Variants in MSI2 observed in about 807,000 individuals in gnomAD.
MSI2 encodes the protein musashi RNA binding protein 2, also known as RNA-binding protein Musashi homolog 2.
In MSI2, 17 loss-of-function variants were observed where a neutral mutation model predicts 45.6. The ratio of observed to expected loss-of-function variants is 0.37; its 90% confidence interval spans 0.26 to 0.56. The LOEUF is 0.56. Among genes scored for constraint, MSI2 ranks in the 20% least tolerant of loss-of-function variants. MSI2 has a pLI of 0.77. For missense variants in MSI2, 293 were observed against 444.2 expected, an observed-to-expected ratio of 0.66 and a Z score of 3.06; for synonymous variants, 156 against 158.2, an observed-to-expected ratio of 0.99 and a Z score of 0.11.
Position 57,610,012 on chromosome 17 carries a change from C to A in MSI2, c.538-5958C>A, listed in dbSNP as rs536349987. On this transcript the variant is annotated intron_variant, in intron 8 of 13. Transcript: ENST00000284073. Reference sequence around the variant, plus strand: ...GGGATGGATATATAGCTATAAAGGTCATTATCGGGTCCGCTGGCAAAACAA... The same window carrying A: ...GGGATGGATATATAGCTATAAAGGTAATTATCGGGTCCGCTGGCAAAACAA... 2.6e-5 allele frequency among the ~76,000 whole-genome samples: 4 copies of A among 152,244 alleles called. No homozygotes were observed. In the East Asian group the frequency reaches 7.7e-4, roughly 29 times the overall value.
intron 6 of MSI2, among the ~76,000 whole-genome samples, chr17:57,470,036 G>A (rs2085403776): frequency 1.3e-5 from 2 of 152,082 alleles, no homozygotes; most frequent in Non-Finnish European, 1.5e-5. Context: ...TCATCCTCCA[G>A]GACCCAGCTC....
the MSI2 span, among the ~76,000 whole-genome samples, chr17:57,694,269 T>G: frequency 1.3e-5 from 2 of 152,362 alleles, no homozygotes; most frequent in Admixed American, 6.5e-5. Context: ...TTATCTTCAG[T>G]GCACCACCAG....
intron 7 of MSI2, among the ~76,000 whole-genome samples, chr17:57,566,582 A>G (rs1035852924): frequency 1.3e-5 from 2 of 152,120 alleles, no homozygotes; most frequent in Non-Finnish European, 2.9e-5. Flanking sequence ...GGTAGAGGGC[A>G]TGTGCAGAGT....
At chr17:57,383,557 A>G (rs1300231974) in intron 5 of MSI2, among the ~76,000 whole-genome samples, 1 of 152,196 alleles carries the variant, frequency 6.6e-6, no homozygotes, top group East Asian at 1.9e-4. Context: ...GCTACTTGGG[A>G]GGCTGAGGCA....
At chr17:57,346,870 G>A (rs1915661572) in intron 5 of MSI2, among the ~76,000 whole-genome samples, 1 of 152,190 alleles carries the variant, frequency 6.6e-6, no homozygotes. Context: ...GCCTCCCAAA[G>A]TGCTGGGATT....
At chr17:57,458,146 G>T (rs973657694) in intron 6 of MSI2, among the ~76,000 whole-genome samples, 3 of 147,528 alleles carry the variant, frequency 2.0e-5, no homozygotes, top group Non-Finnish European at 4.4e-5. Context: ...TGTCGCCCAG[G>T]CTGGAGTGCA....
chr17:57,584,147 C>T (rs2088281604), intron 7 of MSI2, among the ~76,000 whole-genome samples: 1 of 152,156 alleles, frequency 6.6e-6, no homozygotes, highest in Non-Finnish European at 1.5e-5. Context: ...CTCATTCCTC[C>T]CTGTCACTAT....
chr17:57,463,156 C>A (rs17821691), intron 6 of MSI2, among the ~76,000 whole-genome samples: 1 of 152,052 alleles, frequency 6.6e-6, no homozygotes, highest in Non-Finnish European at 1.5e-5. Context: ...TCTGCTAGGA[C>A]CCCGGCCTGC....
chr17:57,505,001 A>C (rs1318972451), intron 6 of MSI2, among the ~76,000 whole-genome samples: 1 of 152,040 alleles, frequency 6.6e-6, no homozygotes, highest in African/African-American at 2.4e-5. Flanking sequence ...AAGAAATAAT[A>C]GAATGGGATG....
chr17:57,258,204 C>T, intron 3 of MSI2, 66 bp from the exon 4 acceptor site: 4 of 1,447,484 alleles, frequency 2.8e-6, no homozygotes, highest in Non-Finnish European at 3.9e-6. Context: ...TTAGGTCTCA[C>T]TCCTGGTTGC....
In MSI2 at chr17:57,683,450, T is replaced by C; in HGVS notation, c.*3933T>C. 1 of 229,074 alleles carries C rather than the reference T, an allele frequency of 4.4e-6. No homozygotes were observed. Among genetic ancestry groups the C allele is most frequent in the Non-Finnish European group, 8.7e-6 (1 of 115,446 alleles). The allele number at this position is 229,074 out of a possible 1,614,324, so 14.2% of individuals were successfully genotyped here. Reference sequence around the variant, plus strand: ...AACGAGGGCTAGGGACTTAGCCTCCTCCACCACCTCCACACTGCTTCATTC... The same window carrying C: ...AACGAGGGCTAGGGACTTAGCCTCCCCCACCACCTCCACACTGCTTCATTC... On this transcript the variant is annotated 3_prime_UTR_variant, in exon 14 of 14. Transcript: ENST00000284073. The surrounding 1 kb of genome is among the most constrained non-coding windows in gnomAD (Gnocchi z 5.2).
chr17:57,575,415 C>T (rs1010858025), intron 7 of MSI2, among the ~76,000 whole-genome samples: 1 of 152,192 alleles, frequency 6.6e-6, no homozygotes, highest in African/African-American at 2.4e-5. Flanking sequence ...TCCTGTTTGA[C>T]CTTTCAGTCG....
At chr17:57,604,895 G>C (rs1906365800) in intron 8 of MSI2, among the ~76,000 whole-genome samples, 1 of 150,568 alleles carries the variant, frequency 6.6e-6, no homozygotes, top group African/African-American at 2.4e-5. Flanking sequence ...CCTTCCAGCT[G>C]CTCCTCCTCA....
intron 5 of MSI2, among the ~76,000 whole-genome samples, chr17:57,312,756 G>A (rs1330881892): frequency 2.0e-5 from 3 of 152,102 alleles, no homozygotes; most frequent in East Asian, 1.9e-4. Flanking sequence ...GAATTAATGG[G>A]CCTGTTTTGG....
chr17:57,700,684 C>T, the MSI2 span, among the ~76,000 whole-genome samples: 1 of 152,122 alleles, frequency 6.6e-6, no homozygotes, highest in Non-Finnish European at 1.5e-5. Flanking sequence ...AGGCAGATCA[C>T]CTGAGGTCAG....
intron 10 of MSI2, among the ~76,000 whole-genome samples, chr17:57,637,653 C>T (rs890333553): frequency 2.6e-5 from 4 of 152,240 alleles, no homozygotes; most frequent in South Asian, 4.1e-4. Context: ...CTCTAGGCCT[C>T]GGTTTCCCCA....
intron 7 of MSI2, among the ~76,000 whole-genome samples, chr17:57,573,978 ATG>A (rs1247532448): frequency 6.6e-6 from 1 of 152,226 alleles, no homozygotes; most frequent in Non-Finnish European, 1.5e-5. Context: ...GACGATAATG[ATG>A]ACAACCTAAT....
At position 57,652,360 on chromosome 17, in the gene MSI2, G is replaced by A. The variant is rs970260184; in HGVS notation, c.790+199G>A. ...ACCCAGGGCACTTGTAGTGGGGTCA[G>A]TCACAGTCATGGGACTGCAAACTAA... On this transcript the variant is annotated intron_variant, in intron 11 of 13. Transcript: ENST00000284073. This position sits in a 1 kb window ranked among gnomAD's most constrained non-coding sequence, Gnocchi z 4.1. 6.6e-6 allele frequency among the ~76,000 whole-genome samples: 1 copy of A among 152,092 alleles called. No individual in the cohort carries two copies. The highest frequency in any genetic ancestry group is 2.4e-5 in the African/African-American group (1 of 41,390).
At chr17:57,419,529 A>ATTTT (rs36114353) in intron 6 of MSI2, among the ~76,000 whole-genome samples, 4 of 145,572 alleles carry the variant, frequency 2.7e-5, no homozygotes, top group South Asian at 2.2e-4. Context: ...TGCCTGGCTA[A>ATTTT]TTTTTTTTTT....
Sources: gnomAD v4.1 joint callset for allele counts (sites outside exome capture counted in the v4.1 genomes callset) on GRCh38, gnomAD v4.1.1 for gene constraint, Gnocchi (gnomAD v3.1) non-coding constraint, MANE v1.5 for transcripts, NCBI Gene and HGNC (gene_info 2026-07-23, HGNC 2026-07-21) for gene names.